Variants in MSLN observed in about 807,000 individuals in gnomAD.
MSLN encodes the protein CAK1 antigen.
Under a neutral mutation model 72.6 loss-of-function variants are expected in MSLN, and 82 were observed. The observed-to-expected ratio is 1.13, with a 90% CI of 0.94 to 1.36. The LOEUF (loss-of-function observed/expected upper bound fraction) is 1.36. Ranked by LOEUF, MSLN falls within the 40% of genes most tolerant of loss-of-function variation. The pLI is 0.00. For missense variants in MSLN, 1,005 were observed against 847.9 expected (o/e 1.19, Z -2.30); for synonymous variants, 456 against 387.3 (o/e 1.18, Z -2.08).
intron 5 of MSLN, 56 bp from the exon 6 acceptor site, chr16:763,967 G>C: frequency 1.3e-6 from 2 of 1,586,072 alleles, no homozygotes; most frequent in Non-Finnish European, 1.7e-6. Flanking sequence ...GGGAGCACTG[G>C]GTGGACATTG....
At chr16:763,530 G>A in intron 4 of MSLN, 112 bp from the exon 5 acceptor site, 2 of 1,110,272 alleles carry the variant, frequency 1.8e-6, no homozygotes, top group Non-Finnish European at 2.6e-6. Flanking sequence ...ACACAGCCAG[G>A]CCTGGGAAGT....
At position 766,663 on chromosome 16, in the gene MSLN, C is replaced by G. The variant is rs759439249; in HGVS notation, c.1231-5C>G. 12 of 1,612,414 alleles carry G rather than the reference C, an allele frequency of 7.4e-6. No homozygotes were observed. The highest frequency in any genetic ancestry group is 9.3e-6 in the Non-Finnish European group (11 of 1,179,838). ...CACAAGGCTCCTCGGCGGCCCCTCC[C>G]ACAGGTGGCCACCCTGATCGACCGC... On this transcript the variant is annotated splice_region_variant and splice_polypyrimidine_tract_variant and intron_variant, in intron 13 of 17. Coordinates refer to ENST00000545450, the MANE Select transcript of MSLN (RefSeq NM_005823.6).
chr16:763,247 T>C lies in MSLN; in HGVS notation c.100T>C (p.Ser34Pro), dbSNP rs1186356519. 6.5e-7 allele frequency: 1 copy of C among 1,541,946 alleles called. No homozygotes were observed. Among genetic ancestry groups the C allele is most frequent in the Admixed American group, 2.1e-5 (1 of 48,358 alleles). Residue 34 changes from serine to proline, a missense_variant, in exon 4 of 18, where the codon TCG (serine) becomes CCG (proline). Transcript: ENST00000545450. Reference sequence around the variant, plus strand: ...TGCCCCTTTAGGATGGGTGCAGCCCTCGAGGACCCTGGCTGGAGAGACAGG... The same window carrying C: ...TGCCCCTTTAGGATGGGTGCAGCCCCCGAGGACCCTGGCTGGAGAGACAGG... ...LLFSLGWVQP[S>P]RTLAGETGQE...
intron 6 of MSLN, 47 bp downstream of exon 6, chr16:764,190 G>A (rs902448074): frequency 3.2e-6 from 5 of 1,581,622 alleles, no homozygotes; most frequent in East Asian, 4.5e-5. Flanking sequence ...TGGGGCTGAG[G>A]AATTCACAGG....
intron 3 of MSLN, 59 bp downstream of exon 3, chr16:762,824 G>A: frequency 7.1e-7 from 1 of 1,406,722 alleles, no homozygotes; most frequent in Non-Finnish European, 9.6e-7. Flanking sequence ...TTGGGGGCCA[G>A]GCCCCCAGCA....
rs548380928 is a variant in MSLN at position 765,624 on chromosome 16, C to G, written c.795+7C>G. 5.0e-6 allele frequency: 8 copies of G among 1,601,612 alleles called. No individual in the cohort carries two copies. In the South Asian group the frequency reaches 8.8e-5, roughly 18 times the overall value. On this transcript the variant is annotated splice_region_variant and intron_variant, in intron 10 of 17. Transcript: ENST00000545450. The stretch of plus-strand genomic sequence containing the variant: ...CATCCGCAGCATCCCGCAGGTGAGA[C>G]CCCAATCCCCAGCCCGTGGGGATGC...
At chr16:763,517 G>A (rs2041562462) in intron 4 of MSLN, 125 bp from the exon 5 acceptor site, 6 of 1,027,092 alleles carry the variant, frequency 5.8e-6, no homozygotes, top group Non-Finnish European at 8.5e-6. Flanking sequence ...CCATGGGTCT[G>A]AGACACAGCC....
Position 768,360 on chromosome 16 carries a change from T to A in MSLN, c.1597-19T>A. The A allele has an allele frequency of 6.7e-7, 1 of 1,501,484 alleles. No homozygotes were observed. The highest frequency in any genetic ancestry group is 1.4e-5 in the South Asian group (1 of 73,260). 93.0% of individuals were successfully genotyped at this position (1,501,484 alleles called of 1,614,324 possible). A position where few individuals can be genotyped will look rare whatever the true frequency, so the allele number is the denominator to read the frequency against. ...AGGGAAGGAGACCCTCCTTGATGGCTGCCCGGGGTCTCTGGCAGCCGTTGA... is the reference window on the plus strand; with the variant it reads ...AGGGAAGGAGACCCTCCTTGATGGCAGCCCGGGGTCTCTGGCAGCCGTTGA... On this transcript the variant is annotated intron_variant, in intron 16 of 17. Coordinates refer to ENST00000545450, the MANE Select transcript of MSLN (RefSeq NM_005823.6).
rs531817953 is a variant in MSLN at position 761,166 on chromosome 16, C to G, written c.-18C>G. The G allele has an allele frequency of 2.5e-4, 38 of 152,442 alleles. No individual in the cohort carries two copies. Among genetic ancestry groups the G allele is most frequent in the Admixed American group, 2.2e-3 (34 of 15,306 alleles). The allele number at this position is 152,442 out of a possible 1,614,324, so 9.4% of individuals were successfully genotyped here. ...CGGTGGACCCACGGTGCCTCCCTCCCTGGGATCTGTAAGTAACAACCTTTG... is the reference window on the plus strand; with the variant it reads ...CGGTGGACCCACGGTGCCTCCCTCCGTGGGATCTGTAAGTAACAACCTTTG... On this transcript the variant is annotated 5_prime_UTR_variant, in exon 2 of 18. Transcript: ENST00000545450.
In MSLN at chr16:768,857, C is replaced by T. The variant is rs1277007442; in HGVS notation, c.*124C>T. The T allele has an allele frequency of 7.7e-6, 7 of 909,710 alleles. No individual in the cohort carries two copies. The highest frequency in any genetic ancestry group is 1.6e-5 in the African/African-American group (1 of 60,618). 56.4% of individuals were successfully genotyped at this position (909,710 alleles called of 1,614,324 possible). Reference sequence around the variant, plus strand: ...TCAGTAAACGGGAACATGCCCCCTGCAGACACGTCTTGTGGCCTCCGAGGA... The same window carrying T: ...TCAGTAAACGGGAACATGCCCCCTGTAGACACGTCTTGTGGCCTCCGAGGA... On this transcript the variant is annotated 3_prime_UTR_variant, in exon 18 of 18. Transcript: ENST00000545450.
intron 6 of MSLN, among the ~76,000 whole-genome samples, 166 bp from the exon 7 acceptor site, chr16:764,481 G>GCCCCCAT (rs1224366481): frequency 6.6e-6 from 1 of 152,190 alleles, no homozygotes; most frequent in Non-Finnish European, 1.5e-5. Context: ...AGGCACGGGA[G>GCCCCCAT]CCCCCATCCC....
chr16:762,060 C>T (rs1431734003), intron 2 of MSLN, among the ~76,000 whole-genome samples: 1 of 152,238 alleles, frequency 6.6e-6, no homozygotes, highest in Non-Finnish European at 1.5e-5. Flanking sequence ...AGGGGCTCCC[C>T]AGGCTGCTCA....
At position 768,579 on chromosome 16, in the gene MSLN, C is replaced by A; in HGVS notation, c.1783+14C>A. On this transcript the variant is annotated intron_variant, in intron 17 of 17. Transcript: ENST00000545450. ...TCAGCATGCAAGGTGGGCGGGGCGGCCAGGCCAGGGCTGGGGGCAGAGCTG... is the reference window on the plus strand; with the variant it reads ...TCAGCATGCAAGGTGGGCGGGGCGGACAGGCCAGGGCTGGGGGCAGAGCTG... 2 of 1,608,242 alleles carry A rather than the reference C, an allele frequency of 1.2e-6. No homozygotes were observed. The highest frequency in any genetic ancestry group is 8.5e-7 in the Non-Finnish European group (1 of 1,177,710).
chr16:766,223 C>T lies in MSLN; in HGVS notation c.1060C>T (p.His354Tyr), dbSNP rs1355972950. 6 of 1,610,914 alleles carry T rather than the reference C, an allele frequency of 3.7e-6. No homozygotes were observed. The highest frequency in any genetic ancestry group is 5.1e-6 in the Non-Finnish European group (6 of 1,178,482). Residue 354 changes from histidine (H) to tyrosine (Y), a missense_variant, in exon 12 of 18, where the codon CAT (histidine) becomes TAT (tyrosine). Coordinates refer to ENST00000545450, the MANE Select transcript of MSLN (RefSeq NM_005823.6). ...CTACGAGCAGCTGGACGTCCTAAAG[C>T]ATAAACTGGATGAGGTAGTTCATGA... ...FTYEQLDVLK[H>Y]KLDELYPQGY...
chr16:765,228 G>C lies in MSLN; in HGVS notation c.629G>C (p.Ser210Thr), dbSNP rs766402436. 1.3e-6 allele frequency: 2 copies of C among 1,585,394 alleles called. No homozygotes were observed. Among genetic ancestry groups the C allele is most frequent in the East Asian group, 2.3e-5 (1 of 44,100 alleles). ...SAEVLLPRLV[S>T]CPGPLDQDQQ... is the part of the protein sequence containing the mutation. ...GAAGTGCTGCTACCCCGGCTGGTGAGCTGCCCGGGACCCCTGGACCAGGAC... is the reference window on the plus strand; with the variant it reads ...GAAGTGCTGCTACCCCGGCTGGTGACCTGCCCGGGACCCCTGGACCAGGAC... The change falls in exon 9 of 18, where the codon AGC becomes ACC. Residue 210 changes from serine (S) to threonine (T), a missense_variant. Transcript: ENST00000545450.
At position 763,767 on chromosome 16, in the gene MSLN, C is replaced by A. The variant is rs923318341; in HGVS notation, c.179+76C>A. 2.9e-5 allele frequency: 32 copies of A among 1,105,422 alleles called. 1 individual carries two copies. In the Admixed American group the frequency reaches 7.8e-4, roughly 27 times the overall value. 68.5% of individuals were successfully genotyped at this position (1,105,422 alleles called of 1,614,324 possible). A position where few individuals can be genotyped will look rare whatever the true frequency, so the allele number is the denominator to read the frequency against. On this transcript the variant is annotated intron_variant, in intron 5 of 17. Coordinates refer to ENST00000545450, the MANE Select transcript of MSLN (RefSeq NM_005823.6). The stretch of plus-strand genomic sequence containing the variant: ...GGGACTGAGGGTGGGCAGGGCACCC[C>A]ATCCCCCAGCATCCCCTCCCCCTTC...
In MSLN at chr16:767,415, A is replaced by G; in HGVS notation, c.1541A>G (p.Gln514Arg). The G allele has an allele frequency of 6.2e-7, 1 of 1,602,382 alleles. No homozygotes were observed. The highest frequency in any genetic ancestry group is 8.5e-7 in the Non-Finnish European group (1 of 1,176,208). Reference protein sequence around the residue: ...PTEDLKALSQQNVSMDLATFM... With the variant: ...PTEDLKALSQRNVSMDLATFM... ...GAGGATTTGAAGGCGCTCAGTCAGCAGAATGTGAGCATGGACTTGGCCACG... is the reference window on the plus strand; with the variant it reads ...GAGGATTTGAAGGCGCTCAGTCAGCGGAATGTGAGCATGGACTTGGCCACG... The change falls in exon 16 of 18, where the codon CAG becomes CGG. Residue 514 changes from glutamine to arginine, a missense_variant. Coordinates refer to ENST00000545450, the MANE Select transcript of MSLN (RefSeq NM_005823.6).
At chr16:763,365 G>GCTTGCCAGTTTCCACGGTC in intron 4 of MSLN, 89 bp downstream of exon 4, 9 of 1,170,164 alleles carry the variant, frequency 7.7e-6, no homozygotes, top group South Asian at 7.0e-5. Context: ...TATCCACGGT[G>GCTTGCCAGTTTCCACGGTC]CTTGCCAGTT....
At chr16:764,796 C>A in intron 7 of MSLN, 70 bp downstream of exon 7, 1 of 1,577,654 alleles carries the variant, frequency 6.3e-7, no homozygotes, top group Non-Finnish European at 8.6e-7. Flanking sequence ...CCCCCTGCCC[C>A]TTGCCTCGGA....
Sources: allele counts gnomAD v4.1 joint callset (sites outside exome capture counted in the v4.1 genomes callset), GRCh38; gene constraint gnomAD v4.1.1; transcripts MANE v1.5; gene names NCBI Gene and HGNC (gene_info 2026-07-23, HGNC 2026-07-21).